The following SV2C variants were observed in gnomAD, a reference collection of about 807,000 sequenced individuals.
SV2C encodes the protein synaptic vesicle glycoprotein 2C.
Under a neutral mutation model 79.7 loss-of-function variants are expected in SV2C, and 49 were observed. That is an observed-to-expected ratio of 0.61 (90% CI 0.49 to 0.78). SV2C has a LOEUF of 0.78. Ranked by LOEUF, SV2C falls within the 30% of genes least tolerant of loss-of-function variation. The pLI is 0.00. For synonymous variants in SV2C, 334 were observed against 333.2 expected (o/e 1.00, Z -0.03); for missense variants, 833 against 912.9 (o/e 0.91, Z 1.13).
the SV2C span, among the ~76,000 whole-genome samples, chr5:75,850,453 T>C: frequency 9.2e-5 from 14 of 152,286 alleles, no homozygotes; most frequent in East Asian, 2.1e-3. Context: ...TTTTTTCTAA[T>C]CAACAACATG....
chr5:75,936,647 T>C, the SV2C span, among the ~76,000 whole-genome samples: 11 of 152,248 alleles, frequency 7.2e-5, no homozygotes, highest in Non-Finnish European at 1.5e-4. Context: ...ACAGCCATTA[T>C]ATGTTATGAA....
chr5:76,339,541 T>C (rs779306484), intron 12 of SV2C, among the ~76,000 whole-genome samples: 40 of 151,974 alleles, frequency 2.6e-4, no homozygotes, highest in African/African-American at 6.3e-4. Flanking sequence ...GGTGAAACTC[T>C]GTCTCTACTA....
chr5:76,115,701 T>C (rs534886942), intron 1 of SV2C, among the ~76,000 whole-genome samples: 9 of 152,320 alleles, frequency 5.9e-5, no homozygotes, highest in Admixed American at 5.2e-4. Context: ...TCTAGGTAAA[T>C]AGGATTTTAA....
At chr5:76,241,654 T>C (rs1481008098) in intron 4 of SV2C, among the ~76,000 whole-genome samples, 2 of 150,982 alleles carry the variant, frequency 1.3e-5, no homozygotes, top group Admixed American at 6.6e-5. Context: ...AAGTCTATGC[T>C]GAAAGAGGGA....
At chr5:76,198,911 A>C (rs1317549908) in intron 3 of SV2C, among the ~76,000 whole-genome samples, 1 of 152,234 alleles carries the variant, frequency 6.6e-6, no homozygotes, top group Non-Finnish European at 1.5e-5. Flanking sequence ...AGTTGCTTAC[A>C]GTCTGTACAG....
the SV2C span, among the ~76,000 whole-genome samples, chr5:75,994,795 T>A: frequency 6.6e-6 from 1 of 152,086 alleles, no homozygotes; most frequent in Non-Finnish European, 1.5e-5. Context: ...GGCCAACAAG[T>A]CCCACCCTAT....
the SV2C span, among the ~76,000 whole-genome samples, chr5:75,993,101 G>A: frequency 6.6e-6 from 1 of 151,852 alleles, no homozygotes; most frequent in Non-Finnish European, 1.5e-5. Context: ...TGTTCAAAGT[G>A]CTTTTGAGAA....
At chr5:76,047,022 T>C in the SV2C span, among the ~76,000 whole-genome samples, 1 of 152,256 alleles carries the variant, frequency 6.6e-6, no homozygotes, top group African/African-American at 2.4e-5. Flanking sequence ...ATTTTTTCCA[T>C]TATCTGACTC....
chr5:76,155,628 A>C (rs1188197141), intron 2 of SV2C, among the ~76,000 whole-genome samples: 2 of 152,104 alleles, frequency 1.3e-5, no homozygotes, highest in Non-Finnish European at 2.9e-5. Context: ...ATCTACCTTG[A>C]ATGTGGCGTG....
At chr5:76,237,969 A>AACACACACACAC (rs200837649) in intron 4 of SV2C, among the ~76,000 whole-genome samples, 53 of 137,016 alleles carry the variant, frequency 3.9e-4, no homozygotes, top group Admixed American at 2.7e-3. Context: ...CCAGAGGACT[A>AACACACACACAC]ACACACACAC....
At chr5:76,030,694 G>A in the SV2C span, among the ~76,000 whole-genome samples, 5 of 151,630 alleles carry the variant, frequency 3.3e-5, no homozygotes, top group South Asian at 2.1e-4. Context: ...GTGCCTCCCC[G>A]GAGGCTGCAG....
intron 12 of SV2C, among the ~76,000 whole-genome samples, chr5:76,339,274 A>G (rs1193927467): frequency 6.6e-6 from 1 of 152,174 alleles, no homozygotes; most frequent in Non-Finnish European, 1.5e-5. Context: ...CATTTCTATA[A>G]ATTATTTTTC....
the SV2C span, among the ~76,000 whole-genome samples, chr5:75,863,904 G>A: frequency 6.6e-6 from 1 of 152,128 alleles, no homozygotes; most frequent in South Asian, 2.1e-4. Flanking sequence ...GGTATATCAA[G>A]CTTTCAATTT....
At chr5:76,173,420 A>AT in intron 2 of SV2C, among the ~76,000 whole-genome samples, 1 of 152,342 alleles carries the variant, frequency 6.6e-6, no homozygotes, top group East Asian at 1.9e-4. Flanking sequence ...CTCTAGGACT[A>AT]TTATATAAGT....
chr5:75,937,706 C>G, the SV2C span, among the ~76,000 whole-genome samples: 1 of 151,932 alleles, frequency 6.6e-6, no homozygotes, highest in East Asian at 1.9e-4. Flanking sequence ...GAGACTCTGT[C>G]TAAAGAAACA....
intron 4 of SV2C, among the ~76,000 whole-genome samples, chr5:76,258,821 T>G (rs768134826): frequency 6.6e-6 from 1 of 152,212 alleles, no homozygotes; most frequent in Non-Finnish European, 1.5e-5. Flanking sequence ...TCAGTCACTG[T>G]CTCTCCTCCC....
chr5:76,097,506 A>G (rs1328141799), intron 1 of SV2C, among the ~76,000 whole-genome samples: 2 of 152,160 alleles, frequency 1.3e-5, no homozygotes, highest in African/African-American at 4.8e-5. Context: ...TTAGCATCCA[A>G]TGTCTTCATT....
the SV2C span, among the ~76,000 whole-genome samples, chr5:75,892,781 G>A: frequency 6.6e-6 from 1 of 152,140 alleles, no homozygotes; most frequent in African/African-American, 2.4e-5. Context: ...TTTTATGGGT[G>A]CGTTGTATTC....
At chr5:76,121,344 T>C (rs1416027677) in intron 1 of SV2C, among the ~76,000 whole-genome samples, 2 of 152,064 alleles carry the variant, frequency 1.3e-5, no homozygotes, top group East Asian at 3.8e-4. Context: ...TGGTAGTTTC[T>C]TTTCCTGTGC....
Sources: allele counts gnomAD v4.1 joint callset (sites outside exome capture counted in the v4.1 genomes callset), GRCh38; gene constraint gnomAD v4.1.1; transcripts MANE v1.5; gene names NCBI Gene and HGNC (gene_info 2026-07-23, HGNC 2026-07-21).